The following SPTBN2 variants were observed in gnomAD, a reference collection of about 807,000 sequenced individuals.
SPTBN2 encodes spectrin beta, non-erythrocytic 2, also known as spectrin beta chain, non-erythrocytic 2.
SPTBN2 carries 107 observed loss-of-function variants against 284.2 expected under a neutral mutation model. That is an observed-to-expected ratio of 0.38 (90% CI 0.32 to 0.44). The LOEUF (loss-of-function observed/expected upper bound fraction) is 0.44. Ranked by LOEUF, SPTBN2 falls within the 20% of genes least tolerant of loss-of-function variation. The pLI is 1.00. For synonymous variants in SPTBN2, 1,289 were observed against 1,354.8 expected, an observed-to-expected ratio of 0.95 and a Z score of 1.07; for missense variants, 2,569 against 3,287.1, an observed-to-expected ratio of 0.78 and a Z score of 5.34.
rs1690919390 is a variant in SPTBN2 at position 66,741,234 on chromosome 11, C to T, written c.-475+3308G>A. Among the ~76,000 whole-genome samples, 5 of 152,152 alleles carry T rather than the reference C, an allele frequency of 3.3e-5. No homozygotes were observed. The South Asian group carries it at 1.0e-3, about 32-fold the overall frequency. ...ATAATTCAATCATGGGGGCAGTTTC[C>T]CTCATCCTGTTCTTCTGATAGTGAA... On this transcript the variant is annotated intron_variant, in intron 1 of 37. Transcript: ENST00000611817.
Position 66,693,830 on chromosome 11 carries a change from C to T in SPTBN2, c.4535G>A (p.Ser1512Asn), listed in dbSNP as rs753562212. The T allele has an allele frequency of 1.2e-5, 20 of 1,613,756 alleles. No homozygotes were observed. The African/African-American group carries it at 2.5e-4, about 20-fold the overall frequency. ...CAGGTCCTTGCCATGCTCCATGGAG[C>T]TGGCCATGGGCAGCCGCTCTGTCAC... ...LWVTERLPMA[S>N]SMEHGKDLPS... The change falls in exon 23 of 38, where the codon AGC becomes AAC. Residue 1512 changes from serine (S) to asparagine (N), a missense_variant. Physicochemically the swap from Ser to Asn is conservative, Grantham distance 46 (BLOSUM62 1). Coordinates refer to ENST00000533211, the MANE Select transcript of SPTBN2 (RefSeq NM_006946.4). This position sits in a 1 kb window ranked among gnomAD's most constrained non-coding sequence, Gnocchi z 5.7.
Position 66,687,092 on chromosome 11 carries a change from C to T in SPTBN2, c.6798G>A (p.Ala2266=), listed in dbSNP as rs140748364. The T allele has an allele frequency of 2.7e-4, 434 of 1,614,036 alleles. No individual in the cohort carries two copies. Among genetic ancestry groups the T allele is most frequent in the Non-Finnish European group, 3.3e-4 (392 of 1,180,052 alleles). The change falls in exon 36 of 38, where the codon GCG becomes GCA. Residue 2266 remains alanine, a synonymous_variant. Transcript: ENST00000533211. This position sits in a 1 kb window ranked among gnomAD's most constrained non-coding sequence, Gnocchi z 5.2. ...GCACTTCTCCGTGGTATGGCACTCC[C>T]GCGCTGGCTGCCTTGGCATCCTTGT... ...GFYKDAKAAS[A]GVPYHGEVPV...
chr11:66,713,521 G>C, intron 8 of SPTBN2, 110 bp downstream of exon 8: 1 of 815,696 alleles, frequency 1.2e-6, no homozygotes, highest in South Asian at 1.3e-5. Flanking sequence ...AGAAGCCCCT[G>C]TATCAGTTGG....
At position 66,689,092 on chromosome 11, in the gene SPTBN2, T is replaced by G; in HGVS notation, c.6034+4A>C. The G allele has an allele frequency of 1.2e-6, 2 of 1,604,532 alleles. No individual in the cohort carries two copies. The highest frequency in any genetic ancestry group is 8.5e-7 in the Non-Finnish European group (1 of 1,175,008). On this transcript the variant is annotated splice_donor_region_variant and intron_variant, in intron 30 of 37. Transcript: ENST00000533211. ...CAGGGCCTGGGGCCCCCTTGGCAGC[T>G]CACCCAGCTGAAGCCAGTCCATCTT...
chr11:66,687,128 G>T lies in SPTBN2; in HGVS notation c.6762C>A (p.Ser2254Arg), dbSNP rs1590905077. ...QNVYCVLRRG[S>R]LGFYKDAKAA... ...CCTTGGCATCCTTGTAAAAGCCGAG[G>T]CTCCCACGCCGCAGGACACAGTACA... Residue 2254 changes from serine (S) to arginine (R), a missense_variant, in exon 36 of 38, where the codon AGC becomes AGA. Ser to Arg is a moderately radical substitution (Grantham distance 110). Coordinates refer to ENST00000533211, the MANE Select transcript of SPTBN2 (RefSeq NM_006946.4). The surrounding 1 kb of genome is among the most constrained non-coding windows in gnomAD (Gnocchi z 5.2). 2 of 1,614,050 alleles carry T rather than the reference G, an allele frequency of 1.2e-6. No individual in the cohort carries two copies. The highest frequency in any genetic ancestry group is 4.5e-5 in the East Asian group (2 of 44,884).
intron 1 of SPTBN2, among the ~76,000 whole-genome samples, chr11:66,740,514 T>A (rs751506598): frequency 1.3e-5 from 2 of 152,102 alleles, no homozygotes; most frequent in Non-Finnish European, 2.9e-5. Flanking sequence ...TGCCCCAGAT[T>A]CTGTGCTCCA....
intron 1 of SPTBN2, among the ~76,000 whole-genome samples, chr11:66,740,450 G>A (rs777899937): frequency 3.3e-5 from 5 of 152,158 alleles, no homozygotes; most frequent in Non-Finnish European, 5.9e-5. Context: ...TCCTCTGCTA[G>A]AACATCCCTG....
At chr11:66,731,759 C>T (rs973303541), upstream of SPTBN2, among the ~76,000 whole-genome samples, 1 of 152,240 alleles carries the variant, frequency 6.6e-6, no homozygotes, top group Non-Finnish European at 1.5e-5. Context: ...TCATTGGCTT[C>T]ACTTCCTCGC....
chr11:66,711,105 G>T, intron 8 of SPTBN2, 76 bp from the exon 9 acceptor site: 1 of 1,197,610 alleles, frequency 8.3e-7, no homozygotes, highest in Non-Finnish European at 1.2e-6. Flanking sequence ...CAAACCCTGG[G>T]CCTGCCCAGT....
chr11:66,689,171 T>C lies in SPTBN2; in HGVS notation c.5959A>G (p.Lys1987Glu). 2 of 1,606,046 alleles carry C rather than the reference T, an allele frequency of 1.2e-6. No individual in the cohort carries two copies. The highest frequency in any genetic ancestry group is 1.7e-6 in the Non-Finnish European group (2 of 1,175,640). Residue 1987 changes from lysine (K) to glutamate (E), a missense_variant, in exon 30 of 38, where the codon AAG (lysine) becomes GAG (glutamate). Physicochemically the swap from Lys to Glu is moderately conservative, Grantham distance 56. This residue lies in a region of SPTBN2 where 1,130 missense variants were observed against 1,317.3 expected (regional missense o/e 0.86). Transcript: ENST00000533211. ...CGCCGTGCCTGCAGCTGAGACAGCT[T>C]CTCTGAGATCTGGGGGCGGGGGGCA... ...SHYAAEEISE[K>E]LSQLQARRQE...
chr11:66,726,354 C>A (rs10791889), intron 1 of SPTBN2, among the ~76,000 whole-genome samples: 4 of 152,072 alleles, frequency 2.6e-5, no homozygotes, highest in Admixed American at 6.5e-5. Context: ...GTCACCCCCC[C>A]ATCCCCCAGT....
chr11:66,691,249 T>A lies in SPTBN2; in HGVS notation c.5565+35A>T. The stretch of plus-strand genomic sequence containing the variant: ...CCGGCATTTCCCCCATGGCCTCCTC[T>A]AAGCCTCCCCCACCTCCTCATGCTT... On this transcript the variant is annotated intron_variant, in intron 27 of 37. Transcript: ENST00000533211. The surrounding 1 kb of genome is among the most constrained non-coding windows in gnomAD (Gnocchi z 8.0). The A allele has an allele frequency of 2.0e-6, 3 of 1,511,264 alleles. No homozygotes were observed. The African/African-American group carries it at 4.2e-5, about 21-fold the overall frequency. The allele number at this position is 1,511,264 out of a possible 1,614,324, so 93.6% of individuals were successfully genotyped here.
Position 66,700,463 on chromosome 11 carries a change from C to G in SPTBN2, c.3573+63G>C. 6.3e-7 allele frequency: 1 copy of G among 1,595,850 alleles called. No homozygotes were observed. The highest frequency in any genetic ancestry group is 1.7e-5 in the Admixed American group (1 of 59,996). ...GTCCTTCCTGCCCATCCTGCTCCTT[C>G]ACATTTCCCCGGGTCCCTACTTTGC... On this transcript the variant is annotated intron_variant, in intron 17 of 37. Coordinates refer to ENST00000533211, the MANE Select transcript of SPTBN2 (RefSeq NM_006946.4). This position sits in a 1 kb window ranked among gnomAD's most constrained non-coding sequence, Gnocchi z 6.6.
chr11:66,733,232 TA>T (rs1942826521), upstream of SPTBN2, among the ~76,000 whole-genome samples: 1 of 152,142 alleles, frequency 6.6e-6, no homozygotes, highest in African/African-American at 2.4e-5. Context: ...CTGTAGCTGC[TA>T]TGGGGGGAAT....
intron 1 of SPTBN2, among the ~76,000 whole-genome samples, chr11:66,727,692 G>A (rs1942670638): frequency 6.6e-6 from 1 of 152,148 alleles, no homozygotes; most frequent in Admixed American, 6.5e-5. Flanking sequence ...GGGAGCGCGT[G>A]GAGCCAGCTG....
rs1204919121 is a variant in SPTBN2 at position 66,687,495 on chromosome 11, C to T, written c.6654G>A (p.Gln2218=). The change falls in exon 35 of 38, where the codon CAG becomes CAA. Residue 2218 remains glutamine (Q), a synonymous_variant. Coordinates refer to ENST00000533211, the MANE Select transcript of SPTBN2 (RefSeq NM_006946.4). The surrounding 1 kb of genome is among the most constrained non-coding windows in gnomAD (Gnocchi z 5.2). ...LPPRGPEPSA[Q]EQMEGMLCRK... ...GGCACAGCATCCCCTCCATCTGCTC[C>T]TGGGCAGATGGCTCTGGGCCTCGAG... The T allele has an allele frequency of 1.9e-6, 3 of 1,611,560 alleles. No homozygotes were observed. The highest frequency in any genetic ancestry group is 2.2e-5 in the East Asian group (1 of 44,870).
chr11:66,704,802 C>A lies in SPTBN2; in HGVS notation c.2474G>T (p.Ser825Ile), dbSNP rs774262290. The A allele has an allele frequency of 5.0e-6, 8 of 1,605,214 alleles. No homozygotes were observed. The South Asian group carries it at 8.8e-5, about 18-fold the overall frequency. The stretch of plus-strand genomic sequence containing the variant: ...GTGCCGCTCCAGGGTGGGCACCCGG[C>A]TCTGCACCTCGGGCGTGCGGCTCAG... ...PTLSRTPEVQ[S>I]RVPTLERHYE... is the part of the protein sequence containing the mutation. Residue 825 changes from serine to isoleucine, a missense_variant, in exon 15 of 38, where the codon AGC (serine) becomes ATC (isoleucine). By Grantham distance (142) the Ser-to-Ile change is moderately radical. Transcript: ENST00000533211.
In SPTBN2 at chr11:66,688,287, T is replaced by C; in HGVS notation, c.6256A>G (p.Lys2086Glu). 6.2e-7 allele frequency: 1 copy of C among 1,606,662 alleles called. No homozygotes were observed. The highest frequency in any genetic ancestry group is 1.1e-5 in the South Asian group (1 of 90,156). ...CGCTCCTCCTCCTCCCTCTTTCTCT[T>C]TCGCTCCTTCTCCCGCTCCTCTAGC... ...TALEEREKERKRKREEEERRK... is the reference protein window; with the variant it reads ...TALEEREKERERKREEEERRK... The change falls in exon 32 of 38, where the codon AAG becomes GAG. Residue 2086 changes from lysine (K) to glutamate (E), a missense_variant. Physicochemically the swap from Lys to Glu is moderately conservative, Grantham distance 56 (BLOSUM62 1). Coordinates refer to ENST00000533211, the MANE Select transcript of SPTBN2 (RefSeq NM_006946.4).
chr11:66,712,389 A>C (rs916658490), intron 8 of SPTBN2, among the ~76,000 whole-genome samples: 1 of 152,190 alleles, frequency 6.6e-6, no homozygotes, highest in African/African-American at 2.4e-5. Flanking sequence ...TCTACTAAAA[A>C]TACAAAAATT....
Sources: allele counts gnomAD v4.1 joint callset (sites outside exome capture counted in the v4.1 genomes callset), GRCh38; gene constraint gnomAD v4.1.1; regional missense constraint gnomAD v4.1.1; non-coding constraint Gnocchi (gnomAD v3.1); transcripts MANE v1.5; gene names NCBI Gene and HGNC (gene_info 2026-07-23, HGNC 2026-07-21).